The following DIP2C variants were observed in gnomAD, a reference collection of about 807,000 sequenced individuals.
DIP2C encodes DIP2 acetate--CoA ligase C (putative).
Under a neutral mutation model 192.4 loss-of-function variants are expected in DIP2C, and 33 were observed. The ratio of observed to expected loss-of-function variants is 0.17; its 90% CI spans 0.13 to 0.23. The LOEUF (loss-of-function observed/expected upper bound fraction) is 0.23, where lower values mean the gene tolerates loss of function less well. Ranked by LOEUF, DIP2C falls within the 10% of genes least tolerant of loss-of-function variation. DIP2C has a pLI of 1.00. For synonymous variants in DIP2C, 979 were observed against 864.1 expected (o/e 1.13, Z -2.33); for missense variants, 1,537 against 2,110.1 (o/e 0.73, Z 5.32).
chr10:364,830 G>T, intron 19 of DIP2C: 1 of 625,308 alleles, frequency 1.6e-6, no homozygotes, highest in South Asian at 1.7e-5. Context: ...GGAGCCTCCT[G>T]CCTCTGAACC....
At chr10:487,575 T>G (rs1371745858) in intron 1 of DIP2C, among the ~76,000 whole-genome samples, 6 of 124,310 alleles carry the variant, frequency 4.8e-5, no homozygotes, top group South Asian at 3.0e-4. Flanking sequence ...GTGTTTTTTT[T>G]TTTTTTTTTT....
chr10:525,341 T>C (rs1164108512), intron 1 of DIP2C, among the ~76,000 whole-genome samples: 4 of 152,236 alleles, frequency 2.6e-5, no homozygotes, highest in Admixed American at 6.5e-5. Context: ...GAAGCTTTTA[T>C]GAACACACAT....
At chr10:399,986 G>A (rs1263954015) in intron 9 of DIP2C, among the ~76,000 whole-genome samples, 1 of 152,182 alleles carries the variant, frequency 6.6e-6, no homozygotes, top group Non-Finnish European at 1.5e-5. Flanking sequence ...AGAATTATCA[G>A]AGTTCTAAAA....
At chr10:687,421 C>CCCACA (rs1174813151) in intron 1 of DIP2C, among the ~76,000 whole-genome samples, 1 of 152,170 alleles carries the variant, frequency 6.6e-6, no homozygotes, top group Non-Finnish European at 1.5e-5. Flanking sequence ...CAGCACAGGC[C>CCCACA]GGAGGGTGCA....
At chr10:399,328 A>G in intron 9 of DIP2C, 109 bp from the exon 10 acceptor site, 1 of 752,146 alleles carries the variant, frequency 1.3e-6, no homozygotes, top group South Asian at 1.6e-5. Flanking sequence ...TGAGAACCAG[A>G]TCCTATGTAA....
At chr10:286,814 C>T (rs1161483608) in intron 33 of DIP2C, among the ~76,000 whole-genome samples, 1 of 152,156 alleles carries the variant, frequency 6.6e-6, no homozygotes, top group Non-Finnish European at 1.5e-5. Flanking sequence ...GAGGGTGATG[C>T]TTGCAGTAAT....
At chr10:679,966 G>C (rs1231493714) in intron 1 of DIP2C, among the ~76,000 whole-genome samples, 1 of 152,216 alleles carries the variant, frequency 6.6e-6, no homozygotes, top group Non-Finnish European at 1.5e-5. Flanking sequence ...GCTGTGAGAT[G>C]AGCGCATCTG....
At chr10:509,630 G>C (rs995496433) in intron 1 of DIP2C, among the ~76,000 whole-genome samples, 1 of 152,226 alleles carries the variant, frequency 6.6e-6, no homozygotes, top group Non-Finnish European at 1.5e-5. Context: ...GTGGTAGGCA[G>C]TGTTTTGGAG....
intron 1 of DIP2C, among the ~76,000 whole-genome samples, chr10:627,685 G>A (rs953535301): frequency 2.6e-5 from 4 of 152,244 alleles, no homozygotes; most frequent in African/African-American, 9.6e-5. Flanking sequence ...CCTGCTTTAA[G>A]CCTCAGACTT....
In DIP2C at chr10:398,970, C is replaced by T. The variant is rs556482839; in HGVS notation, c.1260+139G>A. The T allele has an allele frequency of 2.6e-3, 1,751 of 680,862 alleles. 14 individuals carry two copies. Among genetic ancestry groups the T allele is most frequent in the Middle Eastern group, 0.017 (62 of 3,740 alleles). The allele number at this position is 680,862 out of a possible 1,614,324, so 42.2% of individuals were successfully genotyped here. ...CATCCCAGGCTGCAGGGCCCACTAG[C>T]GACCGCATCCCTTATCGAGGCAACC... On this transcript the variant is annotated intron_variant, in intron 10 of 36. Coordinates refer to ENST00000280886, the MANE Select transcript of DIP2C (RefSeq NM_014974.3).
At chr10:597,472 AGGTGAATGGAGACCT>A (rs1171556808) in intron 1 of DIP2C, among the ~76,000 whole-genome samples, 9 of 152,210 alleles carry the variant, frequency 5.9e-5, no homozygotes, top group Admixed American at 2.6e-4. Context: ...CTAGGTGGAA[AGGTGAATGGAGACCT>A]GGTGAATGGA....
chr10:503,577 A>G (rs1200480991), intron 1 of DIP2C, among the ~76,000 whole-genome samples: 6 of 152,244 alleles, frequency 3.9e-5, no homozygotes, highest in Non-Finnish European at 8.8e-5. Context: ...CCACCTGACC[A>G]TCCAGGAGTC....
chr10:618,094 T>C (rs1003186904), intron 1 of DIP2C, among the ~76,000 whole-genome samples: 1 of 152,242 alleles, frequency 6.6e-6, no homozygotes, highest in Non-Finnish European at 1.5e-5. Context: ...GCATTTGGTC[T>C]GCACATAAAA....
chr10:348,822 C>T (rs1262427746), intron 25 of DIP2C, 60 bp from the exon 26 acceptor site: 3 of 1,590,024 alleles, frequency 1.9e-6, no homozygotes, highest in East Asian at 2.3e-5. Flanking sequence ...GCACACTCTC[C>T]CTGTCAGCAT....
At chr10:570,077 C>T (rs1588482257) in intron 1 of DIP2C, among the ~76,000 whole-genome samples, 1 of 152,180 alleles carries the variant, frequency 6.6e-6, no homozygotes, top group East Asian at 1.9e-4. Context: ...CCACTCAAGG[C>T]TGCCACTGCC....
chr10:459,572 G>A (rs543381564), intron 3 of DIP2C, among the ~76,000 whole-genome samples: 2 of 151,964 alleles, frequency 1.3e-5, no homozygotes, highest in Non-Finnish European at 2.9e-5. Flanking sequence ...GTCACATCAG[G>A]GAACCACATG....
At chr10:463,568 A>G (rs1202065797) in intron 3 of DIP2C, among the ~76,000 whole-genome samples, 1 of 152,252 alleles carries the variant, frequency 6.6e-6, no homozygotes, top group African/African-American at 2.4e-5. Flanking sequence ...CATATTGCCC[A>G]AAGTAATTTA....
intron 3 of DIP2C, among the ~76,000 whole-genome samples, chr10:453,489 C>T (rs1969021343): frequency 6.6e-6 from 1 of 152,194 alleles, no homozygotes; most frequent in South Asian, 2.1e-4. Flanking sequence ...AATCTGGAGG[C>T]TCAGCAGTCA....
At chr10:668,862 C>T (rs1034701200) in intron 1 of DIP2C, 6 of 152,174 alleles carry the variant, frequency 3.9e-5, no homozygotes, top group Admixed American at 3.3e-4. Flanking sequence ...TAGCATAAAC[C>T]CTTTTTTCAT....
Sources: gnomAD v4.1 joint callset for allele counts (sites outside exome capture counted in the v4.1 genomes callset) on GRCh38, gnomAD v4.1.1 for gene constraint, MANE v1.5 for transcripts, NCBI Gene and HGNC (gene_info 2026-07-23, HGNC 2026-07-21) for gene names.